The following MARCHF6 variants were observed in gnomAD, a reference collection of about 807,000 sequenced individuals.
The protein encoded by MARCHF6 is E3 ubiquitin-protein ligase MARCHF6.
Under a neutral mutation model 133.7 loss-of-function variants are expected in MARCHF6, and 31 were observed. The observed-to-expected ratio is 0.23, with a 90% CI of 0.17 to 0.31. The LOEUF (loss-of-function observed/expected upper bound fraction) is 0.31. Ranked by LOEUF, MARCHF6 falls within the 10% of genes least tolerant of loss-of-function variation. MARCHF6 has a pLI of 1.00. For missense variants in MARCHF6, 723 were observed against 1,121.6 expected (o/e 0.64, Z 5.08); for synonymous variants, 395 against 402.5 (o/e 0.98, Z 0.22).
At position 10,423,737 on chromosome 5, in the gene MARCHF6, C is replaced by G; in HGVS notation, c.2286C>G (p.Asp762Glu). Reference protein sequence around the residue: ...DQTPLFYPWQDWALGVLHAKI... With the variant: ...DQTPLFYPWQEWALGVLHAKI... The stretch of plus-strand genomic sequence containing the variant: ...TTAAATGGTTTTTAATTCCCTAGGA[C>G]TGGGCACTTGGAGTCCTGCATGCCA... Residue 762 changes from aspartate to glutamate, a missense_variant and splice_region_variant, in exon 23 of 26, where the codon GAC becomes GAG. Physicochemically the swap from Asp to Glu is conservative, Grantham distance 45 (BLOSUM62 2). This residue lies in a region of MARCHF6 where 492 missense variants were observed against 699.5 expected (regional missense o/e 0.70). Coordinates refer to ENST00000274140, the MANE Select transcript of MARCHF6 (RefSeq NM_005885.4). 1 of 1,607,838 alleles carries G rather than the reference C, an allele frequency of 6.2e-7. No homozygotes were observed. Among genetic ancestry groups the G allele is most frequent in the Non-Finnish European group, 8.5e-7 (1 of 1,174,764 alleles).
intron 1 of MARCHF6, among the ~76,000 whole-genome samples, chr5:10,363,624 C>T (rs1735954225): frequency 6.6e-6 from 1 of 151,892 alleles, no homozygotes; most frequent in Admixed American, 6.6e-5. Context: ...TTTCATATAC[C>T]CAAGAGAATT....
chr5:10,382,593 C>T (rs778738416), intron 4 of MARCHF6, among the ~76,000 whole-genome samples: 2 of 151,986 alleles, frequency 1.3e-5, no homozygotes, highest in Admixed American at 6.6e-5. Flanking sequence ...TTTGGGAGGC[C>T]GAGGTGGGAG....
chr5:10,360,119 G>T (rs1735721586), intron 1 of MARCHF6, among the ~76,000 whole-genome samples: 1 of 151,286 alleles, frequency 6.6e-6, no homozygotes, highest in African/African-American at 2.4e-5. Context: ...TAGTTTTTCG[G>T]GAGTCAAAAG....
intron 1 of MARCHF6, among the ~76,000 whole-genome samples, chr5:10,360,144 G>GTTT (rs1164778520): frequency 0.02 from 1,463 of 74,424 alleles, 21 homozygotes; most frequent in Middle Eastern, 0.061. Flanking sequence ...ATGTGTGTGT[G>GTTT]TTTTTTTTTT....
chr5:10,430,850 C>T (rs1461637011), intron 25 of MARCHF6, among the ~76,000 whole-genome samples: 1 of 152,168 alleles, frequency 6.6e-6, no homozygotes, highest in Non-Finnish European at 1.5e-5. Flanking sequence ...AAAACTCTGT[C>T]ACTTGATCTC....
chr5:10,385,764 C>G (rs1488441607), intron 4 of MARCHF6, among the ~76,000 whole-genome samples: 1 of 152,126 alleles, frequency 6.6e-6, no homozygotes, highest in Non-Finnish European at 1.5e-5. Flanking sequence ...CACCAGAAAG[C>G]TGGGCCTTGA....
intron 9 of MARCHF6, among the ~76,000 whole-genome samples, chr5:10,395,542 A>G (rs1174326075): frequency 1.3e-5 from 2 of 152,196 alleles, no homozygotes; most frequent in East Asian, 3.9e-4. Flanking sequence ...TTCTTTAAAG[A>G]ACTTGTTCTT....
intron 15 of MARCHF6, 99 bp from the exon 16 acceptor site, chr5:10,405,459 G>T: frequency 9.6e-7 from 1 of 1,044,864 alleles, no homozygotes. Context: ...TTAGATGCCA[G>T]AATAATTCTA....
At chr5:10,393,666 A>G (rs1294345775) in intron 7 of MARCHF6, among the ~76,000 whole-genome samples, 1 of 152,240 alleles carries the variant, frequency 6.6e-6, no homozygotes, top group Non-Finnish European at 1.5e-5. Flanking sequence ...CCATTACTAA[A>G]GAATAAAATC....
intron 23 of MARCHF6, 147 bp downstream of exon 23, chr5:10,423,971 TA>T: frequency 1.6e-4 from 76 of 465,914 alleles, no homozygotes; most frequent in Middle Eastern, 1.2e-3. Flanking sequence ...TTTTTTTTTT[TA>T]AAGACAGCAG....
intron 1 of MARCHF6, 44 bp downstream of exon 1, chr5:10,353,961 C>G (rs1334709957): frequency 1.3e-6 from 2 of 1,525,780 alleles, no homozygotes; most frequent in South Asian, 1.2e-5. Flanking sequence ...CGTCGGCGCC[C>G]GGGTTCGTAC....
chr5:10,365,704 C>T (rs1736103385), intron 1 of MARCHF6, among the ~76,000 whole-genome samples: 1 of 152,124 alleles, frequency 6.6e-6, no homozygotes, highest in African/African-American at 2.4e-5. Context: ...AAAATTTGAG[C>T]AGTTAAACAT....
chr5:10,425,573 C>T (rs1740041408), intron 23 of MARCHF6, among the ~76,000 whole-genome samples: 2 of 152,222 alleles, frequency 1.3e-5, no homozygotes, highest in African/African-American at 4.8e-5. Flanking sequence ...AACTAGGTGT[C>T]TTTGGGAATG....
chr5:10,397,979 G>A (rs1579578277), intron 10 of MARCHF6, among the ~76,000 whole-genome samples: 1 of 152,290 alleles, frequency 6.6e-6, no homozygotes, highest in East Asian at 1.9e-4. Context: ...TTCCAGAAGA[G>A]GTAAGGAAAA....
intron 19 of MARCHF6, among the ~76,000 whole-genome samples, chr5:10,413,741 G>A (rs775116125): frequency 4.6e-5 from 7 of 152,232 alleles, no homozygotes; most frequent in Middle Eastern, 3.4e-3. Context: ...TTATAAAACC[G>A]TCAGATCTGG....
chr5:10,384,047 G>A (rs988535084), intron 4 of MARCHF6, among the ~76,000 whole-genome samples: 23 of 152,028 alleles, frequency 1.5e-4, no homozygotes, highest in African/African-American at 5.1e-4. Flanking sequence ...CCACAGATCG[G>A]TGGCAAAAAG....
intron 15 of MARCHF6, among the ~76,000 whole-genome samples, chr5:10,405,081 T>C (rs963045711): frequency 6.6e-6 from 1 of 152,172 alleles, no homozygotes; most frequent in Non-Finnish European, 1.5e-5. Flanking sequence ...TTAGATGCGT[T>C]ACACAGAGGG....
intron 4 of MARCHF6, among the ~76,000 whole-genome samples, chr5:10,383,709 G>A (rs1196904578): frequency 1.3e-5 from 2 of 152,172 alleles, no homozygotes; most frequent in Non-Finnish European, 1.5e-5. Flanking sequence ...TTTACTAAAT[G>A]AGCAAGGAAT....
At chr5:10,423,674 C>G in intron 22 of MARCHF6, 61 bp from the exon 23 acceptor site, 1 of 1,098,054 alleles carries the variant, frequency 9.1e-7, no homozygotes, top group South Asian at 1.4e-5. Context: ...TATACAGCCT[C>G]TCTGCTGTGT....
Sources: gnomAD v4.1 joint callset for allele counts (sites outside exome capture counted in the v4.1 genomes callset) on GRCh38, gnomAD v4.1.1 for gene constraint, gnomAD v4.1.1 regional missense constraint, MANE v1.5 for transcripts, NCBI Gene and HGNC (gene_info 2026-07-23, HGNC 2026-07-21) for gene names.